EXT1: variants seen among roughly 807,000 people sequenced by gnomAD.
EXT1 encodes exostosin-1.
In EXT1, 20 loss-of-function variants were observed where a neutral mutation model predicts 82.5. The observed-to-expected ratio is 0.24, with a 90% CI of 0.17 to 0.35. The LOEUF is 0.35. EXT1 is among the 10% of genes least tolerant of loss of function. The pLI, the probability that EXT1 is intolerant of heterozygous loss-of-function variation, is 1.00. For missense variants in EXT1, 757 were observed against 936.5 expected, an observed-to-expected ratio of 0.81 and a Z score of 2.50; for synonymous variants, 348 against 350.8, an observed-to-expected ratio of 0.99 and a Z score of 0.09.
At chr8:118,033,749 G>C (rs1384319936) in intron 1 of EXT1, among the ~76,000 whole-genome samples, 1 of 152,098 alleles carries the variant, frequency 6.6e-6, no homozygotes, top group Non-Finnish European at 1.5e-5. Flanking sequence ...GAAAGTGCTG[G>C]GATTACAGGT....
intron 1 of EXT1, among the ~76,000 whole-genome samples, chr8:117,961,253 T>C (rs1382108057): frequency 6.6e-6 from 1 of 152,124 alleles, no homozygotes; most frequent in Non-Finnish European, 1.5e-5. Flanking sequence ...GGAGTGATCC[T>C]CCTGCCTCAG....
At chr8:117,936,951 G>C (rs543666788) in intron 1 of EXT1, among the ~76,000 whole-genome samples, 4 of 152,230 alleles carry the variant, frequency 2.6e-5, no homozygotes, top group Admixed American at 1.3e-4. Flanking sequence ...TCTAGATGTG[G>C]CCCAGAGCAT....
chr8:117,950,108 G>A (rs1563610703), intron 1 of EXT1, among the ~76,000 whole-genome samples: 1 of 152,186 alleles, frequency 6.6e-6, no homozygotes, highest in Non-Finnish European at 1.5e-5. Context: ...GGGCATGGTG[G>A]CGTGAGCCTG....
intron 5 of EXT1, 89 bp downstream of exon 5, chr8:117,822,376 C>T (rs2129748511): frequency 7.0e-7 from 1 of 1,425,282 alleles, no homozygotes; most frequent in East Asian, 2.3e-5. Flanking sequence ...GTTAGATGGA[C>T]CCCATTAGAG....
At chr8:117,844,673 T>C (rs1812325137) in intron 1 of EXT1, among the ~76,000 whole-genome samples, 1 of 152,184 alleles carries the variant, frequency 6.6e-6, no homozygotes, top group South Asian at 2.1e-4. Context: ...TTCTCTGGAC[T>C]TAAGGAGCCA....
chr8:117,965,962 T>TA, intron 1 of EXT1, among the ~76,000 whole-genome samples: 1 of 151,062 alleles, frequency 6.6e-6, no homozygotes, highest in Admixed American at 6.6e-5. Context: ...ATGTCCATGG[T>TA]AAAATAAATA....
At chr8:118,036,368 C>T (rs1467090521) in intron 1 of EXT1, among the ~76,000 whole-genome samples, 1 of 152,136 alleles carries the variant, frequency 6.6e-6, no homozygotes, top group African/African-American at 2.4e-5. Flanking sequence ...GTCTCCATAT[C>T]TCTCAGTGGC....
chr8:118,041,749 C>G (rs1374495956), intron 1 of EXT1, among the ~76,000 whole-genome samples: 2 of 150,832 alleles, frequency 1.3e-5, no homozygotes, highest in East Asian at 3.9e-4. Context: ...GAGTTTGAGA[C>G]CAGCCTGGCC....
intron 1 of EXT1, among the ~76,000 whole-genome samples, chr8:117,843,593 T>C (rs970880329): frequency 1.3e-5 from 2 of 152,128 alleles, no homozygotes; most frequent in African/African-American, 2.4e-5. Context: ...GGGCTGCTGT[T>C]ACTGGTGGGT....
At chr8:117,893,973 C>G (rs771834218) in intron 1 of EXT1, among the ~76,000 whole-genome samples, 13 of 152,178 alleles carry the variant, frequency 8.5e-5, no homozygotes, top group Non-Finnish European at 7.4e-5. Context: ...TTCAGCACGA[C>G]TCCTGTTAGG....
At chr8:117,975,755 T>C (rs1214399290) in intron 1 of EXT1, among the ~76,000 whole-genome samples, 1 of 152,214 alleles carries the variant, frequency 6.6e-6, no homozygotes, top group Non-Finnish European at 1.5e-5. Context: ...AATGGCTTCA[T>C]ACAGTGCTTC....
chr8:117,975,033 C>T (rs748971913), intron 1 of EXT1, among the ~76,000 whole-genome samples: 1 of 152,168 alleles, frequency 6.6e-6, no homozygotes, highest in Admixed American at 6.5e-5. Context: ...TGTACTTTCA[C>T]GTTAGGAGGT....
At position 117,799,655 on chromosome 8, in the gene EXT1, G is replaced by C. The variant is rs2129678937; in HGVS notation, c.*57C>G. On this transcript the variant is annotated 3_prime_UTR_variant, in exon 11 of 11. Coordinates refer to ENST00000378204, the MANE Select transcript of EXT1 (RefSeq NM_000127.3). ...GATGAGTGGATCTGCACTGGGAAGA[G>C]AGAGCAGCTTGACCCCCATCCCTTC... 3 of 1,592,820 alleles carry C rather than the reference G, an allele frequency of 1.9e-6. No individual in the cohort carries two copies. The Admixed American group carries it at 5.0e-5, about 27-fold the overall frequency.
At chr8:118,063,425 A>G (rs1816917732) in intron 1 of EXT1, among the ~76,000 whole-genome samples, 1 of 152,198 alleles carries the variant, frequency 6.6e-6, no homozygotes, top group African/African-American at 2.4e-5. Flanking sequence ...ACAAAAGAAG[A>G]TGAGGCATTT....
Position 118,110,665 on chromosome 8 carries a change from CG to C in EXT1, c.381del (p.Ile127MetfsTer9), listed in dbSNP as rs1817881530. On this transcript the variant is annotated frameshift_variant, in exon 1 of 11. Coordinates refer to ENST00000378204, the MANE Select transcript of EXT1 (RefSeq NM_000127.3). LOFTEE classifies it high-confidence loss of function. ...GCTAGAATGTTTTGGTAACTTTCGG[CG>C]ATTTTCTCCCCTTTTTGCTGTGGGT... ...YVYPQQKGEK[I>X]AESYQNILAA... 6.2e-7 allele frequency: 1 copy of C among 1,614,008 alleles called. No individual in the cohort carries two copies. The highest frequency in any genetic ancestry group is 1.3e-5 in the African/African-American group (1 of 74,890).
intron 1 of EXT1, among the ~76,000 whole-genome samples, chr8:117,935,304 T>G (rs1814137530): frequency 6.7e-6 from 1 of 148,460 alleles, no homozygotes; most frequent in Admixed American, 6.9e-5. Context: ...CAGAAAATCC[T>G]GGTTAGTTAT....
chr8:117,823,822 C>T (rs1811964510), intron 4 of EXT1, among the ~76,000 whole-genome samples: 1 of 152,150 alleles, frequency 6.6e-6, no homozygotes. Context: ...TCACCCAGAT[C>T]AAAACTGCTA....
At chr8:117,970,672 G>A (rs1814920943) in intron 1 of EXT1, among the ~76,000 whole-genome samples, 2 of 152,150 alleles carry the variant, frequency 1.3e-5, no homozygotes, top group African/African-American at 4.8e-5. Flanking sequence ...ACCACACTTT[G>A]AGCATAGTGG....
chr8:117,846,334 C>T (rs996444804), intron 1 of EXT1, among the ~76,000 whole-genome samples: 4 of 152,078 alleles, frequency 2.6e-5, no homozygotes, highest in South Asian at 4.1e-4. Flanking sequence ...TCTTGAACTC[C>T]TGGCCTCAAG....
Sources: gnomAD v4.1 joint callset for allele counts (sites outside exome capture counted in the v4.1 genomes callset) on GRCh38, gnomAD v4.1.1 for gene constraint, MANE v1.5 for transcripts, NCBI Gene and HGNC (gene_info 2026-07-23, HGNC 2026-07-21) for gene names.